KIF26B: variants seen among roughly 807,000 people sequenced by gnomAD.
KIF26B encodes the protein kinesin family member 26B.
A neutral mutation model predicts 151.2 loss-of-function variants in KIF26B; 63 were observed. That is an observed-to-expected ratio of 0.42 (90% CI 0.34 to 0.51). The LOEUF is 0.51. Ranked by LOEUF, KIF26B falls within the 20% of genes least tolerant of loss-of-function variation. The probability of loss-of-function intolerance (pLI) is 0.07; values close to 1 mark genes in which losing one functional copy is unlikely to be tolerated. For synonymous variants in KIF26B, 1,357 were observed against 1,262.1 expected (o/e 1.08, Z -1.59); for missense variants, 2,813 against 2,913.6 (o/e 0.97, Z 0.79).
intron 4 of KIF26B, among the ~76,000 whole-genome samples, chr1:245,472,368 G>A (rs965136185): frequency 6.6e-6 from 1 of 152,154 alleles, no homozygotes; most frequent in Non-Finnish European, 1.5e-5. Context: ...CTTTATTACA[G>A]GTTGAGTAAT....
At chr1:245,295,050 C>T (rs1671314881) in intron 2 of KIF26B, among the ~76,000 whole-genome samples, 1 of 152,132 alleles carries the variant, frequency 6.6e-6, no homozygotes, top group African/African-American at 2.4e-5. Context: ...TAGTCTCTTT[C>T]AACTCATGGG....
intron 4 of KIF26B, among the ~76,000 whole-genome samples, chr1:245,490,695 A>T (rs189009625): frequency 6.6e-6 from 1 of 152,176 alleles, no homozygotes; most frequent in African/African-American, 2.4e-5. Flanking sequence ...CAGCCGTTTC[A>T]TATTAGTGTC....
intron 9 of KIF26B, among the ~76,000 whole-genome samples, chr1:245,622,243 A>G (rs1293592960): frequency 7.0e-6 from 1 of 142,056 alleles, no homozygotes; most frequent in African/African-American, 2.4e-5. Flanking sequence ...GGAATAGTTG[A>G]AGAGAAACAA....
intron 5 of KIF26B, among the ~76,000 whole-genome samples, chr1:245,553,667 T>C (rs947107): frequency 0.17 from 26,547 of 152,170 alleles, 2,511 homozygotes; most frequent in East Asian, 0.28. Context: ...AAGTCCTAAA[T>C]TCCGTGGGAG....
intron 5 of KIF26B, among the ~76,000 whole-genome samples, chr1:245,587,985 A>C (rs2043245658): frequency 6.6e-6 from 1 of 152,230 alleles, no homozygotes; most frequent in Admixed American, 6.5e-5. Flanking sequence ...AAGGCTTTTA[A>C]GTTCTCAAAT....
chr1:245,485,201 G>A (rs1028039877), intron 4 of KIF26B, among the ~76,000 whole-genome samples: 2 of 152,124 alleles, frequency 1.3e-5, no homozygotes, highest in Admixed American at 6.5e-5. Context: ...ATTACCAGGG[G>A]ATGTGGGGAG....
At chr1:245,577,216 G>A (rs1026584927) in intron 5 of KIF26B, among the ~76,000 whole-genome samples, 21 of 152,284 alleles carry the variant, frequency 1.4e-4, no homozygotes, top group Admixed American at 7.8e-4. Context: ...TGTTTGTGTC[G>A]TAGGGGGATG....
At chr1:245,281,914 T>C (rs2102968607) in intron 2 of KIF26B, among the ~76,000 whole-genome samples, 1 of 151,418 alleles carries the variant, frequency 6.6e-6, no homozygotes, top group South Asian at 2.1e-4. Context: ...CAGATAGTTG[T>C]AGATATGCGG....
Position 245,688,508 on chromosome 1 carries a change from C to T in KIF26B, c.5525C>T (p.Ala1842Val), listed in dbSNP as rs375566316. The T allele has an allele frequency of 3.8e-5, 56 of 1,492,988 alleles. No homozygotes were observed. The East Asian group carries it at 9.6e-4, about 26-fold the overall frequency. The allele number at this position is 1,492,988 out of a possible 1,614,324, so 92.5% of individuals were successfully genotyped here. ...GGGGCCCTGGCCGAGGACGAGCCCG[C>T]GGCCGCGCACCTGCTCCCGTCGCCC... ...RGGALAEDEP[A>V]AAHLLPSPYS... is the part of the protein sequence containing the mutation. Residue 1842 changes from alanine to valine, a missense_variant, in exon 12 of 15, where the codon GCG (alanine) becomes GTG (valine). This residue lies in a region of KIF26B where 2,060 missense variants were observed against 2,088.6 expected (regional missense o/e 0.99). Transcript: ENST00000407071.
At chr1:245,551,520 C>CT (rs1661879165) in intron 5 of KIF26B, among the ~76,000 whole-genome samples, 1 of 152,136 alleles carries the variant, frequency 6.6e-6, no homozygotes, top group African/African-American at 2.4e-5. Context: ...GTAGCTTGGC[C>CT]TTTCCCCTAC....
chr1:245,274,093 C>G (rs547012245), intron 2 of KIF26B, among the ~76,000 whole-genome samples: 3 of 152,184 alleles, frequency 2.0e-5, no homozygotes, highest in Middle Eastern at 3.4e-3. Context: ...TTAATCTGTT[C>G]TAAGCTGACA....
At position 245,156,320 on chromosome 1, in the gene KIF26B, C is replaced by G. The variant is rs537968746; in HGVS notation, c.102C>G (p.Pro34=). ...EVCSPTKPAA[P]FSPESWYRKA... Reference sequence around the variant, plus strand: ...GCTCGCCCACCAAGCCCGCAGCGCCCTTCTCCCCGGAAAGCTGGTACCGGA... The same window carrying G: ...GCTCGCCCACCAAGCCCGCAGCGCCGTTCTCCCCGGAAAGCTGGTACCGGA... The change falls in exon 2 of 15, where the codon CCC becomes CCG. Residue 34 remains proline (P), a synonymous_variant. Transcript: ENST00000407071. 3 of 1,547,632 alleles carry G rather than the reference C, an allele frequency of 1.9e-6. No homozygotes were observed. The African/African-American group carries it at 4.1e-5, about 21-fold the overall frequency.
chr1:245,238,613 C>A (rs1670156847), intron 2 of KIF26B, among the ~76,000 whole-genome samples: 1 of 152,144 alleles, frequency 6.6e-6, no homozygotes, highest in African/African-American at 2.4e-5. Context: ...GTAATCCCAG[C>A]ACTTTGGGAG....
intron 2 of KIF26B, among the ~76,000 whole-genome samples, chr1:245,303,488 G>A (rs534427826): frequency 5.3e-5 from 8 of 150,942 alleles, no homozygotes; most frequent in South Asian, 2.1e-4. Flanking sequence ...GTAAGCCACC[G>A]CGCCCGGCCC....
chr1:245,603,797 T>C (rs1466664039), intron 6 of KIF26B, among the ~76,000 whole-genome samples: 1 of 152,198 alleles, frequency 6.6e-6, no homozygotes, highest in Admixed American at 6.5e-5. Context: ...AGATTGCTTC[T>C]AATGATTGGA....
chr1:245,424,793 G>A (rs1756912), intron 4 of KIF26B, among the ~76,000 whole-genome samples: 18,954 of 152,112 alleles, frequency 0.12, 1,515 homozygotes, highest in African/African-American at 0.22. Flanking sequence ...TCCTTCACCC[G>A]GATAGTTTGA....
At chr1:245,329,527 A>T (rs1268090376) in intron 2 of KIF26B, among the ~76,000 whole-genome samples, 1 of 152,042 alleles carries the variant, frequency 6.6e-6, no homozygotes, top group Non-Finnish European at 1.5e-5. Context: ...GTATAGCCCA[A>T]CCCTCCATGT....
intron 2 of KIF26B, among the ~76,000 whole-genome samples, chr1:245,247,509 A>C (rs1392506477): frequency 6.6e-6 from 1 of 152,168 alleles, no homozygotes; most frequent in East Asian, 1.9e-4. Flanking sequence ...AAAATTGGTG[A>C]ATGTTTGAGG....
Position 245,155,322 on chromosome 1 carries a change from C to G in KIF26B, c.-103C>G. ...CGCTGAAGAAACCTTGCCCTGAGGG[C>G]TGAGAGCCAGCCCCCTGCAGCCGGG... On this transcript the variant is annotated 5_prime_UTR_variant, in exon 1 of 15. Coordinates refer to ENST00000407071, the MANE Select transcript of KIF26B (RefSeq NM_018012.4). 1 of 945,840 alleles carries G rather than the reference C, an allele frequency of 1.1e-6. No homozygotes were observed. The highest frequency in any genetic ancestry group is 1.5e-5 in the South Asian group (1 of 68,938). 58.6% of individuals were successfully genotyped at this position (945,840 alleles called of 1,614,324 possible).
Sources: gnomAD v4.1 joint callset for allele counts (sites outside exome capture counted in the v4.1 genomes callset) on GRCh38, gnomAD v4.1.1 for gene constraint, gnomAD v4.1.1 regional missense constraint, MANE v1.5 for transcripts, NCBI Gene and HGNC (gene_info 2026-07-23, HGNC 2026-07-21) for gene names.